The following GRIA3 variants were observed in gnomAD, a reference collection of about 807,000 sequenced individuals.
GRIA3 encodes glutamate receptor 3.
A neutral mutation model predicts 63.0 loss-of-function variants in GRIA3; 3 were observed. The observed-to-expected ratio is 0.05, with a 90% CI of 0.02 to 0.12. GRIA3 has a LOEUF of 0.12. GRIA3 is among the 10% of genes least tolerant of loss of function. The pLI is 1.00. For missense variants in GRIA3, 347 were observed against 700.9 expected (o/e 0.50, Z 5.70); for synonymous variants, 274 against 257.9 (o/e 1.06, Z -0.60).
In GRIA3 at chrX:123,437,329, C is replaced by T. The variant is rs959015447; in HGVS notation, c.2076+9190C>T. Among the ~76,000 whole-genome samples, 9 of 110,483 alleles carry T rather than the reference C, an allele frequency of 8.1e-5. No individual in the cohort carries two copies. In the East Asian group the frequency reaches 8.5e-4, roughly 10 times the overall value. On this transcript the variant is annotated intron_variant, in intron 12 of 15. Transcript: ENST00000620443. ...TAGATGTATAGAATAATTCCAGGTA[C>T]GGATAGGTGCTCCAGGATGCTATAA... is the stretch of plus-strand genomic sequence containing the variant.
In GRIA3 at chrX:123,464,422, G is replaced by A. The variant is rs182759615; in HGVS notation, c.2077-443G>A. On this transcript the variant is annotated intron_variant, in intron 12 of 15. Transcript: ENST00000620443. ...ATAATTGATATCTCATGCTGGACTGGGCTGACTAAAATAGCTGTACACTAC... is the reference window on the plus strand; with the variant it reads ...ATAATTGATATCTCATGCTGGACTGAGCTGACTAAAATAGCTGTACACTAC... Among the ~76,000 whole-genome samples the A allele has an allele frequency of 4.1e-4, 46 of 111,833 alleles. No homozygotes were observed. In the East Asian group the frequency reaches 0.012, roughly 29 times the overall value.
At chrX:123,331,984 C>T (rs1174526424) in intron 4 of GRIA3, among the ~76,000 whole-genome samples, 2 of 111,652 alleles carry the variant, frequency 1.8e-5, no homozygotes, top group Non-Finnish European at 3.8e-5. Flanking sequence ...GCTATTTGCT[C>T]ATGAGTGGTG....
chrX:123,463,766 A>AAGAG (rs199580025), intron 12 of GRIA3, among the ~76,000 whole-genome samples: 9,075 of 101,755 alleles, frequency 0.089, 1,261 homozygotes, highest in African/African-American at 0.32. Flanking sequence ...AGAAAGAAAG[A>AAGAG]AGAGAAAGAA....
chrX:123,430,925 G>A (rs1363155404), intron 12 of GRIA3, among the ~76,000 whole-genome samples: 2 of 110,745 alleles, frequency 1.8e-5, no homozygotes, highest in Non-Finnish European at 3.8e-5. Context: ...AGAGGTTGCA[G>A]TGAGCTGAGA....
At chrX:123,478,546 A>G (rs190057868) in intron 13 of GRIA3, among the ~76,000 whole-genome samples, 1 of 112,212 alleles carries the variant, frequency 8.9e-6, no homozygotes, top group African/African-American at 3.2e-5. Context: ...ATTATTTTTA[A>G]ATGATTATAT....
intron 13 of GRIA3, among the ~76,000 whole-genome samples, chrX:123,479,458 G>A (rs1295685421): frequency 8.9e-6 from 1 of 112,329 alleles, no homozygotes; most frequent in Non-Finnish European, 1.9e-5. Context: ...CATGTTTGTG[G>A]AGTAAGAACA....
chrX:123,309,373 A>G lies in GRIA3; in HGVS notation c.509-16653A>G, dbSNP rs2044775587. On this transcript the variant is annotated intron_variant, in intron 3 of 15. Transcript: ENST00000620443. ...CAGAGAGATACTCTGGAAAAAAAAA[A>G]AAAAGCCATAAGTTTTCCAGAGAAA... Among the ~76,000 whole-genome samples, 6 of 110,920 alleles carry G rather than the reference A, an allele frequency of 5.4e-5. No individual in the cohort carries two copies. In the South Asian group the frequency reaches 1.9e-3, roughly 36 times the overall value.
intron 2 of GRIA3, among the ~76,000 whole-genome samples, chrX:123,252,946 G>T (rs1490344753): frequency 1.8e-5 from 2 of 111,994 alleles, no homozygotes; most frequent in Admixed American, 1.9e-4. Context: ...GTTGTAGTTT[G>T]ATGGACGCAT....
intron 2 of GRIA3, among the ~76,000 whole-genome samples, chrX:123,209,935 T>C (rs1343575020): frequency 9.1e-6 from 1 of 110,417 alleles, no homozygotes; most frequent in Admixed American, 9.7e-5. Context: ...TTCTACACTA[T>C]TATTAGCTTA....
At chrX:123,295,887 G>A (rs2044682631) in intron 3 of GRIA3, among the ~76,000 whole-genome samples, 1 of 110,580 alleles carries the variant, frequency 9.0e-6, no homozygotes, top group Non-Finnish European at 1.9e-5. Flanking sequence ...TTAAAATGTT[G>A]GAATGTATCA....
chrX:123,197,297 C>T (rs761866911), intron 2 of GRIA3, among the ~76,000 whole-genome samples: 7 of 111,765 alleles, frequency 6.3e-5, no homozygotes, highest in Non-Finnish European at 1.3e-4. Flanking sequence ...AGACCAAGGC[C>T]GGAGATCACC....
intron 7 of GRIA3, among the ~76,000 whole-genome samples, chrX:123,401,699 TA>T (rs1222325223): frequency 1.8e-5 from 2 of 111,887 alleles, no homozygotes; most frequent in East Asian, 5.6e-4. Context: ...CCTTTCCCTT[TA>T]AAAAATGTTC....
chrX:123,249,977 T>G (rs2044380005), intron 2 of GRIA3, among the ~76,000 whole-genome samples: 1 of 112,206 alleles, frequency 8.9e-6, no homozygotes, highest in South Asian at 3.7e-4. Context: ...TTTACCAAAG[T>G]CTGGGTTTCA....
rs187738443 is a variant in GRIA3, at chrX:123,200,359, T to A, written c.268+14369T>A. Among the ~76,000 whole-genome samples, 133 of 110,446 alleles carry A rather than the reference T, an allele frequency of 1.2e-3. 1 individual carries two copies. The highest frequency in any genetic ancestry group is 3.7e-3 in the African/African-American group (113 of 30,456). On this transcript the variant is annotated intron_variant, in intron 2 of 15. Transcript: ENST00000620443. ...TTAAAAATCACCCAAAATTAAGTTTTAACATGTGTTCAGATTTGTATCCTG... is the reference window on the plus strand; with the variant it reads ...TTAAAAATCACCCAAAATTAAGTTTAAACATGTGTTCAGATTTGTATCCTG...
At chrX:123,432,431 T>A (rs2045623166) in intron 12 of GRIA3, among the ~76,000 whole-genome samples, 1 of 112,434 alleles carries the variant, frequency 8.9e-6, no homozygotes, top group African/African-American at 3.2e-5. Context: ...CTTTCTCATT[T>A]GCTGAACTTT....
intron 10 of GRIA3, among the ~76,000 whole-genome samples, chrX:123,411,051 A>T (rs929942553): frequency 8.9e-6 from 1 of 111,840 alleles, no homozygotes; most frequent in Non-Finnish European, 1.9e-5. Context: ...TGCAGACAGT[A>T]AACATCCCAT....
chrX:123,468,207 A>G (rs1400207817), intron 13 of GRIA3, among the ~76,000 whole-genome samples: 1 of 110,978 alleles, frequency 9.0e-6, no homozygotes, highest in Admixed American at 9.6e-5. Flanking sequence ...CCTTCTTGCT[A>G]CCTGCTGTTT....
chrX:123,373,797 C>T (rs930971507), intron 5 of GRIA3, among the ~76,000 whole-genome samples: 2 of 111,509 alleles, frequency 1.8e-5, no homozygotes, highest in Non-Finnish European at 3.8e-5. Context: ...TTCTCCCATT[C>T]TGTAGGTTGC....
chrX:123,456,953 G>T (rs967225855), intron 12 of GRIA3, among the ~76,000 whole-genome samples: 2 of 110,660 alleles, frequency 1.8e-5, no homozygotes, highest in African/African-American at 3.3e-5. Flanking sequence ...TACAGAGGAC[G>T]CTAAATAATT....
Sources: allele counts gnomAD v4.1 joint callset (sites outside exome capture counted in the v4.1 genomes callset), GRCh38; gene constraint gnomAD v4.1.1; transcripts MANE v1.5; gene names NCBI Gene and HGNC (gene_info 2026-07-23, HGNC 2026-07-21).